GCN1: variants seen among roughly 807,000 people sequenced by gnomAD.
GCN1 encodes the protein stalled ribosome sensor GCN1.
In GCN1, 90 loss-of-function variants were observed where a neutral mutation model predicts 288.4. The observed-to-expected ratio is 0.31, with a 90% CI of 0.26 to 0.37. The LOEUF (loss-of-function observed/expected upper bound fraction) is 0.37. GCN1 is among the 10% of genes least tolerant of loss of function. The pLI, the probability that GCN1 is intolerant of heterozygous loss-of-function variation, is 1.00. For synonymous variants in GCN1, 1,386 were observed against 1,420.2 expected, an observed-to-expected ratio of 0.98 and a Z score of 0.54; for missense variants, 2,586 against 3,419.9, an observed-to-expected ratio of 0.76 and a Z score of 6.08.
At chr12:120,152,697 C>T (rs1179253) in intron 33 of GCN1, among the ~76,000 whole-genome samples, 361 of 128,620 alleles carry the variant, frequency 2.8e-3, no homozygotes, top group Middle Eastern at 0.015. Context: ...TTTATATATA[C>T]ATACATGCGT....
chr12:120,128,323 G>A (rs2139076060), intron 57 of GCN1, among the ~76,000 whole-genome samples: 1 of 151,418 alleles, frequency 6.6e-6, no homozygotes, highest in South Asian at 2.1e-4. Flanking sequence ...GGCAGTGGGA[G>A]TTGCAGCTTT....
chr12:120,149,680 C>T lies in GCN1; in HGVS notation c.4472G>A (p.Ser1491Asn). The part of the protein sequence containing the change: ...DCAKAVMSNL[S>N]AHGVKLVLPS... Reference sequence around the variant, plus strand: ...GAGCACCAGCTTCACCCCGTGAGCACTCAAGTTGCTCATCACAGCCTTGGC... The same window carrying T: ...GAGCACCAGCTTCACCCCGTGAGCATTCAAGTTGCTCATCACAGCCTTGGC... Residue 1491 changes from serine (S) to asparagine (N), a missense_variant, in exon 36 of 58, where the codon AGT becomes AAT. Physicochemically the swap from Ser to Asn is conservative, Grantham distance 46 (BLOSUM62 1). Around this residue, in one of 8 missense-constraint regions of GCN1, gnomAD observed 371 missense variants for 572.6 expected, o/e 0.65. Transcript: ENST00000300648. 1.2e-6 allele frequency: 2 copies of T among 1,614,040 alleles called. No individual in the cohort carries two copies.
At chr12:120,138,144 C>A in intron 47 of GCN1, 100 bp from the exon 48 acceptor site, 1 of 1,121,210 alleles carries the variant, frequency 8.9e-7, no homozygotes, top group Non-Finnish European at 1.3e-6. Flanking sequence ...GCCCACTGCT[C>A]AGAGCCAAGC....
intron 2 of GCN1, among the ~76,000 whole-genome samples, chr12:120,189,655 C>G (rs1432285878): frequency 6.6e-6 from 1 of 152,112 alleles, no homozygotes; most frequent in South Asian, 2.1e-4. Context: ...GCGTGAGCCA[C>G]CGTGCCTGGC....
At chr12:120,168,342 A>AT in intron 15 of GCN1, 42 bp from the exon 16 acceptor site, 1 of 1,155,550 alleles carries the variant, frequency 8.7e-7, no homozygotes, top group Non-Finnish European at 1.3e-6. Context: ...AGCTCACCAC[A>AT]TCCCCCAGAG....
At chr12:120,189,749 C>T (rs1373677154) in intron 2 of GCN1, among the ~76,000 whole-genome samples, 1 of 152,046 alleles carries the variant, frequency 6.6e-6, no homozygotes, top group Non-Finnish European at 1.5e-5. Flanking sequence ...GAGGCTGAGG[C>T]AGGCGGATCA....
Position 120,156,081 on chromosome 12 carries a change from C to T in GCN1, c.3313-362G>A, listed in dbSNP as rs1877736883. On this transcript the variant is annotated intron_variant, in intron 28 of 57. Coordinates refer to ENST00000300648, the MANE Select transcript of GCN1 (RefSeq NM_006836.2). The surrounding 1 kb of genome is among the most constrained non-coding windows in gnomAD (Gnocchi z 5.8). ...TCAATAGCAGGAGGCTGTGGATCAG[C>T]AGGTAGGAACCACTGTCTTACCACT... Among the ~76,000 whole-genome samples, 1 of 152,154 alleles carries T rather than the reference C, an allele frequency of 6.6e-6. No individual in the cohort carries two copies. Among genetic ancestry groups the T allele is most frequent in the South Asian group, 2.1e-4 (1 of 4,836 alleles).
intron 9 of GCN1, among the ~76,000 whole-genome samples, 155 bp downstream of exon 9, chr12:120,177,292 G>A (rs1297136399): frequency 2.0e-5 from 3 of 152,076 alleles, no homozygotes; most frequent in Admixed American, 6.6e-5. Flanking sequence ...ATCGCAAAAG[G>A]TCCCCAATCT....
intron 57 of GCN1, 107 bp from the exon 58 acceptor site, chr12:120,128,081 T>C (rs1876676736): frequency 4.2e-6 from 5 of 1,187,404 alleles, no homozygotes; most frequent in Middle Eastern, 2.0e-4. Flanking sequence ...CTAGAGACAC[T>C]GAGGTGGACT....
chr12:120,140,948 C>G lies in GCN1; in HGVS notation c.5905G>C (p.Glu1969Gln). The G allele has an allele frequency of 6.2e-7, 1 of 1,614,080 alleles. No individual in the cohort carries two copies. The highest frequency in any genetic ancestry group is 8.5e-7 in the Non-Finnish European group (1 of 1,179,966). The change falls in exon 45 of 58, where the codon GAG (glutamate) becomes CAG (glutamine). Residue 1969 changes from glutamate (E) to glutamine (Q), a missense_variant. Physicochemically the swap from Glu to Gln is conservative, Grantham distance 29. This residue lies in a region of GCN1 where 437 missense variants were observed against 570.5 expected (regional missense o/e 0.77). Transcript: ENST00000300648. ...CTCTTCTGAGACCTCAGGCCTTCCT[C>G]AAGGATGGGGATGATCTCGGGGAGG... The part of the protein sequence containing the change: ...KILPEIIPIL[E>Q]EGLRSQKSDE...
intron 15 of GCN1, among the ~76,000 whole-genome samples, chr12:120,169,271 C>T (rs554840482): frequency 0.1 from 6,587 of 64,124 alleles, 571 homozygotes; most frequent in African/African-American, 0.38. Context: ...AGCGAAACTC[C>T]GTCTCAAAAA....
rs780989594 is a variant in GCN1, at chr12:120,177,678, G to A, written c.729+6C>T. 4.6e-5 allele frequency: 74 copies of A among 1,607,914 alleles called. No homozygotes were observed. The highest frequency in any genetic ancestry group is 6.7e-5 in the African/African-American group (5 of 74,796). ...TCCAGGTGAGTAACGTCCACCTCTC[G>A]CTCACCAACAGGTACTTCGGAGGCT... On this transcript the variant is annotated splice_donor_region_variant and intron_variant, in intron 8 of 57. Transcript: ENST00000300648.
At position 120,176,126 on chromosome 12, in the gene GCN1, G is replaced by A. The variant is rs1258766788; in HGVS notation, c.913+17C>T. On this transcript the variant is annotated intron_variant, in intron 10 of 57. Coordinates refer to ENST00000300648, the MANE Select transcript of GCN1 (RefSeq NM_006836.2). ...CAAGGTGACACTTATGGGCTGGAGA[G>A]GGGCTGGGATACTCACCAGCCAGTC... is the stretch of plus-strand genomic sequence containing the variant. The A allele has an allele frequency of 5.1e-6, 8 of 1,569,486 alleles. No homozygotes were observed. Among genetic ancestry groups the A allele is most frequent in the Non-Finnish European group, 7.0e-6 (8 of 1,139,284 alleles).
At chr12:120,182,957 T>C (rs1279119766) in intron 5 of GCN1, among the ~76,000 whole-genome samples, 3 of 145,974 alleles carry the variant, frequency 2.1e-5, no homozygotes, top group Admixed American at 1.4e-4. Flanking sequence ...AAAAAACTAC[T>C]CCTCATGACC....
chr12:120,154,855 C>A, intron 31 of GCN1, 115 bp downstream of exon 31: 1 of 1,232,128 alleles, frequency 8.1e-7, no homozygotes, highest in Non-Finnish European at 1.2e-6. Flanking sequence ...CTCCCCGACT[C>A]TGAGGGAGGT....
intron 1 of GCN1, among the ~76,000 whole-genome samples, 163 bp from the exon 2 acceptor site, chr12:120,190,563 T>C (rs1448634817): frequency 6.6e-6 from 1 of 152,120 alleles, no homozygotes; most frequent in South Asian, 2.1e-4. Flanking sequence ...GTGGGGGCCG[T>C]GTTTTTAGCA....
At chr12:120,168,866 T>C (rs1475088365) in intron 15 of GCN1, among the ~76,000 whole-genome samples, 3 of 152,352 alleles carry the variant, frequency 2.0e-5, no homozygotes, top group African/African-American at 7.2e-5. Context: ...ATGTTCATCT[T>C]AGCATTCCCC....
rs1877169333 is a variant in GCN1, at chr12:120,140,900, T to C, written c.5953A>G (p.Ile1985Val). Residue 1985 changes from isoleucine (I) to valine (V), a missense_variant, in exon 45 of 58, where the codon ATT (isoleucine) becomes GTT (valine). Ile to Val is a conservative substitution (Grantham distance 29). Around this residue, in one of 8 missense-constraint regions of GCN1, gnomAD observed 437 missense variants for 570.5 expected, o/e 0.77. Coordinates refer to ENST00000300648, the MANE Select transcript of GCN1 (RefSeq NM_006836.2). Reference protein sequence around the residue: ...QKSDERQGVCIGLSEIMKSTS... With the variant: ...QKSDERQGVCVGLSEIMKSTS... Reference sequence around the variant, plus strand: ...GACTTCATGATCTCACTTAGGCCAATGCACACACCCTGCCTCTCATCGCTC... The same window carrying C: ...GACTTCATGATCTCACTTAGGCCAACGCACACACCCTGCCTCTCATCGCTC... The C allele has an allele frequency of 2.5e-6, 4 of 1,614,112 alleles. No homozygotes were observed. Among genetic ancestry groups the C allele is most frequent in the Non-Finnish European group, 3.4e-6 (4 of 1,179,998 alleles).
At position 120,159,896 on chromosome 12, in the gene GCN1, G is replaced by C; in HGVS notation, c.2678C>G (p.Ala893Gly). ...GAAGGGGTTCTTGATCCTGGGAGCA[G>C]CCAGGGGAGACTTCAGCAAGGGCAG... ...SFLPLLKSPL[A>G]APRIKNPFLS... Residue 893 changes from alanine (A) to glycine (G), a missense_variant, in exon 24 of 58, where the codon GCT becomes GGT. Transcript: ENST00000300648. 1.2e-6 allele frequency: 2 copies of C among 1,614,136 alleles called. No individual in the cohort carries two copies. The highest frequency in any genetic ancestry group is 1.7e-6 in the Non-Finnish European group (2 of 1,179,964).
Sources: allele counts gnomAD v4.1 joint callset (sites outside exome capture counted in the v4.1 genomes callset), GRCh38; gene constraint gnomAD v4.1.1; regional missense constraint gnomAD v4.1.1; non-coding constraint Gnocchi (gnomAD v3.1); transcripts MANE v1.5; gene names NCBI Gene and HGNC (gene_info 2026-07-23, HGNC 2026-07-21).